The following UNC13B variants were observed in gnomAD, a reference collection of about 807,000 sequenced individuals.
The protein encoded by UNC13B is unc-13 homolog B.
Under a neutral mutation model 211.0 loss-of-function variants are expected in UNC13B, and 144 were observed. The ratio of observed to expected loss-of-function variants is 0.68; its 90% CI spans 0.60 to 0.78. UNC13B has a LOEUF of 0.78. Ranked by LOEUF, UNC13B falls within the 30% of genes least tolerant of loss-of-function variation. The probability of loss-of-function intolerance (pLI) is 0.00; values close to 1 mark genes in which losing one functional copy is unlikely to be tolerated. For missense variants in UNC13B, 1,777 were observed against 2,002.0 expected, an observed-to-expected ratio of 0.89 and a Z score of 2.14; for synonymous variants, 709 against 725.8, an observed-to-expected ratio of 0.98 and a Z score of 0.37.
intron 1 of UNC13B, among the ~76,000 whole-genome samples, chr9:35,178,365 C>A (rs1482424141): frequency 6.6e-6 from 1 of 151,974 alleles, no homozygotes; most frequent in Non-Finnish European, 1.5e-5. Context: ...GGCATGGTGG[C>A]ACATGCCTGT....
intron 20 of UNC13B, 74 bp from the exon 21 acceptor site, chr9:35,382,283 C>A: frequency 6.5e-7 from 1 of 1,541,546 alleles, no homozygotes; most frequent in Non-Finnish European, 8.7e-7. Flanking sequence ...ATCCCATAAA[C>A]TTTTAGAGTT....
At chr9:35,244,779 G>T (rs1055232131) in intron 6 of UNC13B, among the ~76,000 whole-genome samples, 2 of 152,194 alleles carry the variant, frequency 1.3e-5, no homozygotes, top group East Asian at 3.9e-4. Flanking sequence ...TCCAAATAAG[G>T]TCATATTCAC....
intron 11 of UNC13B, among the ~76,000 whole-genome samples, chr9:35,363,878 GTTTT>G (rs1833594604): frequency 6.6e-6 from 1 of 152,140 alleles, no homozygotes; most frequent in Non-Finnish European, 1.5e-5. Context: ...TGCAGTCATG[GTTTT>G]ATCATCTAGA....
At position 35,302,213 on chromosome 9, in the gene UNC13B, C is replaced by G. The variant is rs1302769121; in HGVS notation, c.2809C>G (p.His937Asp). ...AAAATCTAGTTCTGTTCCAAATATT[C>G]ATAGTGATCTAGGAAAATTTGACAG... ...SIKSSSVPNI[H>D]SDLGKFDSTE... The change falls in exon 9 of 40, where the codon CAT (histidine) becomes GAT (aspartate). Residue 937 changes from histidine to aspartate, a missense_variant. Transcript: ENST00000635942. The G allele has an allele frequency of 5.0e-6, 2 of 398,526 alleles. No homozygotes were observed. The highest frequency in any genetic ancestry group is 2.1e-5 in the African/African-American group (1 of 48,580). The allele number at this position is 398,526 out of a possible 1,614,324, so 24.7% of individuals were successfully genotyped here.
rs759404139 is a variant in UNC13B, at chr9:35,300,190, A to G, written c.786A>G (p.Leu262=). The G allele has an allele frequency of 1.5e-5, 6 of 398,738 alleles. No homozygotes were observed. The highest frequency in any genetic ancestry group is 4.1e-5 in the African/African-American group (2 of 48,630). 24.7% of individuals were successfully genotyped at this position (398,738 alleles called of 1,614,324 possible). The change falls in exon 9 of 40, where the codon CTA becomes CTG. Residue 262 remains leucine, a synonymous_variant. Coordinates refer to ENST00000635942, the MANE Select transcript of UNC13B (RefSeq NM_001371189.2). ...GGTATGCTCAGAAATATGATACACT[A>G]GATAGAAGAAGAAAAAAGAAATCCT... The part of the protein sequence containing the change: ...AIRYAQKYDT[L]DRRRKKKSLY...
chr9:35,318,662 T>G (rs1415685100), intron 11 of UNC13B, among the ~76,000 whole-genome samples: 1 of 152,262 alleles, frequency 6.6e-6, no homozygotes, highest in Admixed American at 6.5e-5. Context: ...ATATTTGTTC[T>G]GCAAGTATTT....
intron 11 of UNC13B, among the ~76,000 whole-genome samples, chr9:35,331,755 C>T (rs1831380801): frequency 6.6e-6 from 1 of 152,132 alleles, no homozygotes; most frequent in Admixed American, 6.5e-5. Context: ...GTTTTTAAAA[C>T]TCCCTTTTTT....
chr9:35,326,854 A>G (rs1355634494), intron 11 of UNC13B, among the ~76,000 whole-genome samples: 1 of 152,242 alleles, frequency 6.6e-6, no homozygotes, highest in Non-Finnish European at 1.5e-5. Context: ...ACAGTGGCTA[A>G]GGAGGGACTA....
rs1460412185 is a variant in UNC13B at position 35,301,708 on chromosome 9, AAT to A, written c.2307_2308del (p.Ile769MetfsTer15). The A allele has an allele frequency of 2.0e-5, 8 of 398,812 alleles. No homozygotes were observed. Among genetic ancestry groups the A allele is most frequent in the Non-Finnish European group, 3.1e-5 (7 of 225,940 alleles). 24.7% of individuals were successfully genotyped at this position (398,812 alleles called of 1,614,324 possible). A position where few individuals can be genotyped will look rare whatever the true frequency, so the allele number is the denominator to read the frequency against. On this transcript the variant is annotated frameshift_variant, in exon 9 of 40. Coordinates refer to ENST00000635942, the MANE Select transcript of UNC13B (RefSeq NM_001371189.2). LOFTEE classifies it high-confidence loss of function. The stretch of plus-strand genomic sequence containing the variant: ...TGTCTCTTTTACCAGATCAACAAAA[AAT>A]ATGTGCCAAAGATACTCCAGGACAT... ...DLSLLPDQQK[I>X]CAKDTPGHPC...
At chr9:35,397,504 C>T in intron 29 of UNC13B, 131 bp from the exon 30 acceptor site, 1 of 1,292,216 alleles carries the variant, frequency 7.7e-7, no homozygotes, top group Non-Finnish European at 1.1e-6. Flanking sequence ...AGAGCTTTCT[C>T]CTGTACTGTG....
At position 35,377,503 on chromosome 9, in the gene UNC13B, G is replaced by T. The variant is rs763080241; in HGVS notation, c.9871G>T (p.Asp3291Tyr). The T allele has an allele frequency of 1.9e-6, 3 of 1,614,234 alleles. No individual in the cohort carries two copies. The highest frequency in any genetic ancestry group is 2.5e-6 in the Non-Finnish European group (3 of 1,180,046). Residue 3291 changes from aspartate (D) to tyrosine (Y), a missense_variant, in exon 16 of 40, where the codon GAC (aspartate) becomes TAC (tyrosine). Coordinates refer to ENST00000635942, the MANE Select transcript of UNC13B (RefSeq NM_001371189.2). The stretch of plus-strand genomic sequence containing the variant: ...AAAGAGCTGTAAACATGGAGCTGAG[G>T]ACCGGACCCAGAACATTATCATGGC... ...AEKSCKHGAE[D>Y]RTQNIIMAMK...
chr9:35,206,417 C>G (rs773098940), intron 1 of UNC13B, among the ~76,000 whole-genome samples: 18 of 151,986 alleles, frequency 1.2e-4, no homozygotes, highest in Non-Finnish European at 2.1e-4. Flanking sequence ...ACTAATCTGT[C>G]TTCTGTCTCT....
At chr9:35,251,640 T>C (rs1826495272) in intron 6 of UNC13B, among the ~76,000 whole-genome samples, 1 of 152,028 alleles carries the variant, frequency 6.6e-6, no homozygotes, top group Non-Finnish European at 1.5e-5. Context: ...AATATATCAA[T>C]ATAGATCTCT....
intron 1 of UNC13B, among the ~76,000 whole-genome samples, chr9:35,205,244 A>G (rs1170054901): frequency 6.6e-6 from 1 of 152,116 alleles, no homozygotes; most frequent in Non-Finnish European, 1.5e-5. Context: ...CTGTGAGCCA[A>G]TTAAACCTCT....
At chr9:35,327,085 T>C (rs1368767332) in intron 11 of UNC13B, among the ~76,000 whole-genome samples, 1 of 152,224 alleles carries the variant, frequency 6.6e-6, no homozygotes, top group Non-Finnish European at 1.5e-5. Context: ...CAACCTTTCT[T>C]CTCTTTCTCT....
chr9:35,308,484 T>A, intron 9 of UNC13B, 72 bp downstream of exon 9: 1 of 397,986 alleles, frequency 2.5e-6, no homozygotes, highest in East Asian at 3.6e-5. Flanking sequence ...GACTTAGTGG[T>A]AGATTAATCA....
At chr9:35,378,900 A>G (rs764442110) in intron 17 of UNC13B, among the ~76,000 whole-genome samples, 7 of 152,180 alleles carry the variant, frequency 4.6e-5, no homozygotes, top group Non-Finnish European at 8.8e-5. Context: ...TCTGAAGAAG[A>G]TGCTGTTTCC....
intron 29 of UNC13B, 88 bp from the exon 30 acceptor site, chr9:35,397,533 CCTGTTGTTATTGTT>C (rs1835965493): frequency 7.2e-7 from 1 of 1,380,492 alleles, no homozygotes; most frequent in Admixed American, 2.0e-5. Flanking sequence ...CCTTTACCTC[CCTGTTGTTATTGTT>C]CTGTGATGAG....
At chr9:35,188,841 G>A (rs1434737629) in intron 1 of UNC13B, among the ~76,000 whole-genome samples, 1 of 152,142 alleles carries the variant, frequency 6.6e-6, no homozygotes, top group Non-Finnish European at 1.5e-5. Context: ...GCCCCAGTTT[G>A]TTGAAATGAA....
Sources: gnomAD v4.1 joint callset for allele counts (sites outside exome capture counted in the v4.1 genomes callset) on GRCh38, gnomAD v4.1.1 for gene constraint, MANE v1.5 for transcripts, NCBI Gene and HGNC (gene_info 2026-07-23, HGNC 2026-07-21) for gene names.